Variants in RABGEF1 observed in about 807,000 individuals in gnomAD.
RABGEF1 encodes rab5 GDP/GTP exchange factor.
In RABGEF1, 26 loss-of-function variants were observed where a neutral mutation model predicts 57.3. The ratio of observed to expected loss-of-function variants is 0.45; its 90% CI spans 0.33 to 0.63. The LOEUF (loss-of-function observed/expected upper bound fraction) is 0.63, where lower values mean the gene tolerates loss of function less well. Among genes scored for constraint, RABGEF1 ranks in the 20% least tolerant of loss-of-function variants. RABGEF1 has a pLI of 0.02. For missense variants in RABGEF1, 464 were observed against 607.6 expected, an observed-to-expected ratio of 0.76 and a Z score of 2.48; for synonymous variants, 185 against 210.7, an observed-to-expected ratio of 0.88 and a Z score of 1.06.
At chr7:66,800,524 T>G (rs1247264040) in intron 7 of RABGEF1, among the ~76,000 whole-genome samples, 2 of 152,146 alleles carry the variant, frequency 1.3e-5, no homozygotes, top group Non-Finnish European at 2.9e-5. Context: ...ATACTATTGT[T>G]TTTTTTTCTT....
At chr7:66,737,424 A>G (rs757388079), upstream of RABGEF1, among the ~76,000 whole-genome samples, 4 of 149,784 alleles carry the variant, frequency 2.7e-5, no homozygotes, top group African/African-American at 5.0e-5. Flanking sequence ...TGGCTATCCT[A>G]CGCAATACGA....
chr7:66,672,632 A>G, the RABGEF1 span, among the ~76,000 whole-genome samples: 1 of 152,216 alleles, frequency 6.6e-6, no homozygotes, highest in East Asian at 1.9e-4. Flanking sequence ...TTTTCAGAGT[A>G]CGTGGCTGGA....
At chr7:66,738,414 C>T (rs1798298330), upstream of RABGEF1, among the ~76,000 whole-genome samples, 2 of 152,154 alleles carry the variant, frequency 1.3e-5, no homozygotes, top group South Asian at 4.1e-4. Context: ...TAGCACCAAC[C>T]TCTTCTGCTC....
chr7:66,724,783 A>G lies in RABGEF1; in HGVS notation c.-815+12559A>G, dbSNP rs576934297. On this transcript the variant is annotated intron_variant and NMD_transcript_variant, in intron 2 of 9. Transcript: ENST00000607882. ...TTCTTCTGCCTCTGGTACTCCAATTATATGTGTGTTGGATGGATTAATATT... is the reference window on the plus strand; with the variant it reads ...TTCTTCTGCCTCTGGTACTCCAATTGTATGTGTGTTGGATGGATTAATATT... Among the ~76,000 whole-genome samples the G allele has an allele frequency of 2.2e-4, 33 of 152,306 alleles. No individual in the cohort carries two copies. In the South Asian group the frequency reaches 6.8e-3, roughly 32 times the overall value.
At chr7:66,675,923 AAAG>A in the RABGEF1 span, among the ~76,000 whole-genome samples, 428 of 152,306 alleles carry the variant, frequency 2.8e-3, no homozygotes, top group African/African-American at 9.9e-3. Flanking sequence ...GAAAGTAATC[AAAG>A]AAGACAAATA....
chr7:66,808,717 G>C (rs1399830635), intron 8 of RABGEF1, among the ~76,000 whole-genome samples, 169 bp from the exon 9 acceptor site: 4 of 152,128 alleles, frequency 2.6e-5, no homozygotes, highest in African/African-American at 9.7e-5. Context: ...AAGCACGACC[G>C]GGGATAGGAG....
At chr7:66,708,766 T>A (rs1794430421) in intron 1 of RABGEF1, among the ~76,000 whole-genome samples, 1 of 152,084 alleles carries the variant, frequency 6.6e-6, no homozygotes, top group Non-Finnish European at 1.5e-5. Context: ...GAGGTATGAT[T>A]GTACCACTGT....
chr7:66,780,904 G>A, intron 3 of RABGEF1, among the ~76,000 whole-genome samples: 1 of 151,978 alleles, frequency 6.6e-6, no homozygotes, highest in Non-Finnish European at 1.5e-5. Flanking sequence ...CCTTTCATTA[G>A]TATTTAACAT....
intron 1 of RABGEF1, among the ~76,000 whole-genome samples, chr7:66,742,150 CA>C (rs3069894): frequency 4.0e-5 from 6 of 148,788 alleles, no homozygotes; most frequent in African/African-American, 9.9e-5. Context: ...GACTCTATCT[CA>C]AAAAAAAAAC....
At chr7:66,721,131 C>T (rs1247447684) in intron 2 of RABGEF1, among the ~76,000 whole-genome samples, 2 of 152,162 alleles carry the variant, frequency 1.3e-5, no homozygotes, top group Admixed American at 6.5e-5. Flanking sequence ...GTTGGCCAGG[C>T]TGCTCTCGAA....
chr7:66,697,868 GGTCCAGGA>G (rs1461792025), intron 1 of RABGEF1, among the ~76,000 whole-genome samples: 4 of 152,104 alleles, frequency 2.6e-5, no homozygotes, highest in African/African-American at 7.2e-5. Context: ...AGGGAAAAAA[GGTCCAGGA>G]GTCCGAGAGC....
At position 66,789,430 on chromosome 7, in the gene RABGEF1, C is replaced by T. The variant is rs1812039239; in HGVS notation, c.513+5589C>T. ...GGGTGCGGTGGCTTACGCCTGTAATCCCAGCACTTTGGGAGGCTGAGATGG... is the reference window on the plus strand; with the variant it reads ...GGGTGCGGTGGCTTACGCCTGTAATTCCAGCACTTTGGGAGGCTGAGATGG... On this transcript the variant is annotated intron_variant, in intron 4 of 8. Coordinates refer to ENST00000284957, the MANE Select transcript of RABGEF1 (RefSeq NM_014504.3). Among the ~76,000 whole-genome samples the T allele has an allele frequency of 2.6e-5, 4 of 152,018 alleles. 1 individual carries two copies. The highest frequency in any genetic ancestry group is 9.7e-5 in the African/African-American group (4 of 41,404).
At chr7:66,724,461 G>A (rs1796384003) in intron 2 of RABGEF1, among the ~76,000 whole-genome samples, 1 of 152,108 alleles carries the variant, frequency 6.6e-6, no homozygotes, top group South Asian at 2.1e-4. Flanking sequence ...CCAGGTTCAA[G>A]CAATTCTCCT....
At chr7:66,803,253 C>T (rs1787705814) in intron 7 of RABGEF1, among the ~76,000 whole-genome samples, 1 of 152,216 alleles carries the variant, frequency 6.6e-6, no homozygotes, top group Admixed American at 6.5e-5. Context: ...GTCCCCCACA[C>T]GTTGTCTTTC....
At chr7:66,714,922 G>A (rs1395265239) in intron 2 of RABGEF1, among the ~76,000 whole-genome samples, 3 of 152,146 alleles carry the variant, frequency 2.0e-5, no homozygotes, top group Non-Finnish European at 4.4e-5. Flanking sequence ...GCGACAGAGC[G>A]AGACTCCGTC....
At chr7:66,694,012 T>A (rs1484850201) in intron 1 of RABGEF1, among the ~76,000 whole-genome samples, 1 of 152,202 alleles carries the variant, frequency 6.6e-6, no homozygotes, top group Non-Finnish European at 1.5e-5. Flanking sequence ...TTTCACCATG[T>A]TGGCCAGGCT....
chr7:66,757,664 T>C (rs1161946511), intron 1 of RABGEF1, among the ~76,000 whole-genome samples: 1 of 152,228 alleles, frequency 6.6e-6, no homozygotes, highest in East Asian at 1.9e-4. Flanking sequence ...CAGGCTGGAG[T>C]GCAGTGGCAT....
the RABGEF1 span, among the ~76,000 whole-genome samples, chr7:66,655,277 G>C: frequency 6.6e-6 from 1 of 152,206 alleles, no homozygotes; most frequent in East Asian, 1.9e-4. Flanking sequence ...AGAGCCGAGA[G>C]ATGTCCATCA....
chr7:66,722,642 G>A (rs572989457), intron 2 of RABGEF1, among the ~76,000 whole-genome samples: 86 of 152,156 alleles, frequency 5.7e-4, no homozygotes, highest in Middle Eastern at 3.4e-3. Context: ...GAGTTTTGTC[G>A]CCTTAGCTTT....
Sources: allele counts gnomAD v4.1 joint callset (sites outside exome capture counted in the v4.1 genomes callset), GRCh38; gene constraint gnomAD v4.1.1; transcripts MANE v1.5; gene names NCBI Gene and HGNC (gene_info 2026-07-23, HGNC 2026-07-21).